DLC1: variants seen among roughly 807,000 people sequenced by gnomAD.
The protein encoded by DLC1 is DLC1 Rho GTPase activating protein, also known as rho GTPase-activating protein 7.
In DLC1, 54 loss-of-function variants were observed where a neutral mutation model predicts 140.3. That is an observed-to-expected ratio of 0.38 (90% CI 0.31 to 0.48). DLC1 has a LOEUF of 0.48. Among genes scored for constraint, DLC1 ranks in the 20% least tolerant of loss-of-function variants. The probability of loss-of-function intolerance (pLI) is 0.96; values close to 1 mark genes in which losing one functional copy is unlikely to be tolerated. For synonymous variants in DLC1, 986 were observed against 728.1 expected, an observed-to-expected ratio of 1.35 and a Z score of -5.70; for missense variants, 2,536 against 1,907.0, an observed-to-expected ratio of 1.33 and a Z score of -6.14.
intron 4 of DLC1, among the ~76,000 whole-genome samples, chr8:13,364,186 G>C (rs1413604559): frequency 6.6e-6 from 1 of 152,082 alleles, no homozygotes; most frequent in African/African-American, 2.4e-5. Flanking sequence ...GTAACACACT[G>C]AACTCTACAT....
At chr8:13,603,245 T>C (rs902605720) in intron 1 of DLC1, among the ~76,000 whole-genome samples, 2 of 151,912 alleles carry the variant, frequency 1.3e-5, no homozygotes, top group Non-Finnish European at 2.9e-5. Flanking sequence ...CTATGATTAA[T>C]ATCAGTTCAT....
intron 5 of DLC1, among the ~76,000 whole-genome samples, chr8:13,240,000 T>C (rs537611192): frequency 2.0e-5 from 3 of 150,920 alleles, no homozygotes. Flanking sequence ...TATCTAAGTG[T>C]CTACAGTGCT....
At chr8:13,149,117 G>C (rs1823634887) in intron 5 of DLC1, among the ~76,000 whole-genome samples, 1 of 152,022 alleles carries the variant, frequency 6.6e-6, no homozygotes, top group African/African-American at 2.4e-5. Context: ...ATACTGTTTG[G>C]AAATCTCTCA....
intron 2 of DLC1, among the ~76,000 whole-genome samples, chr8:13,450,197 G>C (rs1181571086): frequency 6.6e-6 from 1 of 151,630 alleles, no homozygotes; most frequent in Non-Finnish European, 1.5e-5. Flanking sequence ...GGCCTGGGTG[G>C]TAATCACAGC....
intron 1 of DLC1, among the ~76,000 whole-genome samples, chr8:13,577,697 C>G (rs1024409295): frequency 6.6e-6 from 1 of 151,868 alleles, no homozygotes; most frequent in East Asian, 1.9e-4. Context: ...CAAATTATGC[C>G]CACTGTTTTG....
intron 5 of DLC1, among the ~76,000 whole-genome samples, chr8:13,260,607 G>A (rs1019474775): frequency 1.3e-5 from 2 of 152,084 alleles, no homozygotes; most frequent in Admixed American, 1.3e-4. Context: ...TAAAGGTGAG[G>A]ATAGGACAAG....
At chr8:13,331,144 C>T (rs1833569357) in intron 4 of DLC1, among the ~76,000 whole-genome samples, 1 of 152,108 alleles carries the variant, frequency 6.6e-6, no homozygotes, top group African/African-American at 2.4e-5. Context: ...AATAAATGGT[C>T]ACAGTGGTTT....
chr8:13,284,399 C>T (rs919075169), intron 5 of DLC1, among the ~76,000 whole-genome samples: 3 of 151,858 alleles, frequency 2.0e-5, no homozygotes, highest in Admixed American at 6.6e-5. Context: ...TGGTGGCGGG[C>T]GCCTGTAATC....
rs1344371519 is a variant in DLC1, at chr8:13,129,383, C to A, written c.1349-13726G>T. Among the ~76,000 whole-genome samples, 12 of 152,180 alleles carry A rather than the reference C, an allele frequency of 7.9e-5. No homozygotes were observed. In the East Asian group the frequency reaches 2.3e-3, roughly 29 times the overall value. On this transcript the variant is annotated intron_variant, in intron 5 of 17. Coordinates refer to ENST00000276297, the MANE Select transcript of DLC1 (RefSeq NM_182643.3). The stretch of plus-strand genomic sequence containing the variant: ...TTGGAATTGTGCTTTCTAGGACACA[C>A]TGGATATTTACACTCTATGGTTGGG...
intron 2 of DLC1, among the ~76,000 whole-genome samples, chr8:13,415,893 G>C (rs1337015140): frequency 6.6e-6 from 1 of 152,100 alleles, no homozygotes; most frequent in Non-Finnish European, 1.5e-5. Context: ...TTCACCCCAA[G>C]AAGTCCAACT....
intron 4 of DLC1, among the ~76,000 whole-genome samples, chr8:13,390,203 A>G (rs1836688955): frequency 6.6e-6 from 1 of 152,216 alleles, no homozygotes; most frequent in African/African-American, 2.4e-5. Flanking sequence ...CACCAATAAC[A>G]AGAAAAAATA....
intron 4 of DLC1, among the ~76,000 whole-genome samples, chr8:13,316,324 C>T (rs149674299): frequency 6.6e-6 from 1 of 151,910 alleles, no homozygotes; most frequent in Non-Finnish European, 1.5e-5. Context: ...GCAGTTTTGT[C>T]CTAGTATATA....
At chr8:13,239,406 T>A (rs1281994250) in intron 5 of DLC1, among the ~76,000 whole-genome samples, 1 of 151,406 alleles carries the variant, frequency 6.6e-6, no homozygotes, top group Non-Finnish European at 1.5e-5. Context: ...GAGTGTTGAG[T>A]TGGGTTACAA....
chr8:13,136,332 C>A (rs1256269353), intron 5 of DLC1, among the ~76,000 whole-genome samples: 14 of 152,124 alleles, frequency 9.2e-5, no homozygotes. Context: ...TCCCCTTCCT[C>A]CCTCTCTCCC....
At chr8:13,371,064 G>A (rs1835703614) in intron 4 of DLC1, among the ~76,000 whole-genome samples, 1 of 152,202 alleles carries the variant, frequency 6.6e-6, no homozygotes, top group Admixed American at 6.5e-5. Flanking sequence ...GTTGTTTTCA[G>A]ATCAAGGAAA....
intron 7 of DLC1, among the ~76,000 whole-genome samples, chr8:13,107,339 G>A (rs1401314676): frequency 6.6e-6 from 1 of 152,166 alleles, no homozygotes; most frequent in Non-Finnish European, 1.5e-5. Flanking sequence ...ACAGGTACAT[G>A]AACACTCTAA....
At chr8:13,406,459 T>A (rs1372662750) in intron 2 of DLC1, among the ~76,000 whole-genome samples, 1 of 152,188 alleles carries the variant, frequency 6.6e-6, no homozygotes, top group Non-Finnish European at 1.5e-5. Flanking sequence ...AGTGTCAAAT[T>A]CTGCCTTACT....
intron 1 of DLC1, among the ~76,000 whole-genome samples, chr8:13,528,581 A>G (rs1802994142): frequency 6.6e-6 from 1 of 152,164 alleles, no homozygotes. Flanking sequence ...TCCTCTACTT[A>G]TATTAGTTTT....
At chr8:13,346,819 C>T (rs1178507909) in intron 4 of DLC1, among the ~76,000 whole-genome samples, 2 of 152,154 alleles carry the variant, frequency 1.3e-5, no homozygotes. Context: ...TCTATCTCCT[C>T]TTGGATCCAA....
Sources: gnomAD v4.1 joint callset for allele counts (sites outside exome capture counted in the v4.1 genomes callset) on GRCh38, gnomAD v4.1.1 for gene constraint, MANE v1.5 for transcripts, NCBI Gene and HGNC (gene_info 2026-07-23, HGNC 2026-07-21) for gene names.